CCDC88A: variants seen among roughly 807,000 people sequenced by gnomAD.
The protein encoded by CCDC88A is coiled-coil and HOOK domain protein 88A.
In CCDC88A, 54 loss-of-function variants were observed where a neutral mutation model predicts 234.3. The ratio of observed to expected loss-of-function variants is 0.23; its 90% CI spans 0.19 to 0.29. The LOEUF (loss-of-function observed/expected upper bound fraction) is 0.29. Ranked by LOEUF, CCDC88A falls within the 10% of genes least tolerant of loss-of-function variation. The pLI is 1.00. For missense variants in CCDC88A, 1,832 were observed against 2,123.4 expected (o/e 0.86, Z 2.70); for synonymous variants, 753 against 737.8 (o/e 1.02, Z -0.33).
intron 3 of CCDC88A, among the ~76,000 whole-genome samples, chr2:55,386,150 G>A (rs1179648333): frequency 1.3e-5 from 2 of 151,812 alleles, no homozygotes; most frequent in African/African-American, 4.8e-5. Context: ...TTGAACCCAG[G>A]AGCCAGAGGT....
In CCDC88A at chr2:55,335,418, G is replaced by A. The variant is rs1685364521; in HGVS notation, c.1657-254C>T. On this transcript the variant is annotated intron_variant, in intron 14 of 32. Coordinates refer to ENST00000436346, the MANE Select transcript of CCDC88A (RefSeq NM_001365480.1). This position sits in a 1 kb window ranked among gnomAD's most constrained non-coding sequence, Gnocchi z 4.5. Reference sequence around the variant, plus strand: ...TAGGAAGTTCACAGTTTAAAGGAACGGTTGAGAAATGTATTTTCTATTAAT... The same window carrying A: ...TAGGAAGTTCACAGTTTAAAGGAACAGTTGAGAAATGTATTTTCTATTAAT... 6.6e-6 allele frequency among the ~76,000 whole-genome samples: 1 copy of A among 152,070 alleles called. No individual in the cohort carries two copies. The highest frequency in any genetic ancestry group is 1.5e-5 in the Non-Finnish European group (1 of 67,992).
rs191548563 is a variant in CCDC88A, at chr2:55,406,373, G to C, written c.164+12443C>G. Among the ~76,000 whole-genome samples, 664 of 152,202 alleles carry C rather than the reference G, an allele frequency of 4.4e-3. 2 individuals are homozygous for C. Among genetic ancestry groups the C allele is most frequent in the Non-Finnish European group, 6.8e-3 (460 of 68,000 alleles). Reference sequence around the variant, plus strand: ...AATTCACCCTTTTAAACCAGTCTTGGTAAAAATAGATTGGGGGTTTTGTCT... The same window carrying C: ...AATTCACCCTTTTAAACCAGTCTTGCTAAAAATAGATTGGGGGTTTTGTCT... On this transcript the variant is annotated intron_variant, in intron 2 of 32. Coordinates refer to ENST00000436346, the MANE Select transcript of CCDC88A (RefSeq NM_001365480.1).
chr2:55,382,400 T>C (rs1488149965), intron 3 of CCDC88A, among the ~76,000 whole-genome samples: 1 of 152,156 alleles, frequency 6.6e-6, no homozygotes, highest in Non-Finnish European at 1.5e-5. Flanking sequence ...CCTCAAATGG[T>C]TCAGAGCATT....
At chr2:55,292,618 C>G (rs1018753256) in intron 31 of CCDC88A, 1 of 152,194 alleles carries the variant, frequency 6.6e-6, no homozygotes, top group Non-Finnish European at 1.5e-5. Context: ...CAGTGGCTCA[C>G]GCCTGTAATC....
chr2:55,320,146 T>C (rs940834272), intron 18 of CCDC88A, among the ~76,000 whole-genome samples: 1 of 152,082 alleles, frequency 6.6e-6, no homozygotes, highest in African/African-American at 2.4e-5. Context: ...AAATGTGTAC[T>C]AGAAAAAATA....
intron 26 of CCDC88A, 64 bp from the exon 27 acceptor site, chr2:55,302,136 G>C: frequency 2.3e-6 from 3 of 1,326,056 alleles, no homozygotes; most frequent in Non-Finnish European, 3.2e-6. Context: ...TTTCTATTTT[G>C]TAGTACAAAT....
chr2:55,321,475 T>G (rs1013926929), intron 18 of CCDC88A, among the ~76,000 whole-genome samples: 8 of 151,824 alleles, frequency 5.3e-5, no homozygotes, highest in African/African-American at 1.9e-4. Context: ...GGGGTGAACC[T>G]GGGAGGCAGA....
chr2:55,312,911 A>T (rs1156760970), intron 22 of CCDC88A: 2 of 177,308 alleles, frequency 1.1e-5, no homozygotes, highest in African/African-American at 4.8e-5. Flanking sequence ...CTAATATTTT[A>T]TTTCTATGAA....
chr2:55,297,410 G>A (rs1321001680), intron 29 of CCDC88A, among the ~76,000 whole-genome samples: 8 of 28,202 alleles, frequency 2.8e-4, no homozygotes, highest in African/African-American at 6.5e-4. Flanking sequence ...ATATACATAT[G>A]TGTGTATTTT....
intron 16 of CCDC88A, among the ~76,000 whole-genome samples, chr2:55,330,631 C>T (rs144307619): frequency 3.7e-3 from 560 of 152,182 alleles, no homozygotes; most frequent in African/African-American, 0.011. Flanking sequence ...AACTTCCTGG[C>T]TGAGAAAGAA....
Position 55,334,287 on chromosome 2 carries a change from G to C in CCDC88A, c.2534C>G (p.Ala845Gly), listed in dbSNP as rs138798815. 5.4e-5 allele frequency: 79 copies of C among 1,449,774 alleles called. No homozygotes were observed. The African/African-American group carries it at 1.0e-3, about 19-fold the overall frequency. The allele number at this position is 1,449,774 out of a possible 1,614,324, so 89.8% of individuals were successfully genotyped here. Residue 845 changes from alanine (A) to glycine (G), a missense_variant, in exon 15 of 33, where the codon GCA becomes GGA. Ala to Gly is a moderately conservative substitution (Grantham distance 60). This residue lies in a region of CCDC88A where 1,282 missense variants were observed against 1,543.6 expected (regional missense o/e 0.83). Transcript: ENST00000436346. The surrounding 1 kb of genome is among the most constrained non-coding windows in gnomAD (Gnocchi z 6.1). ...TTCTAATGTGGTATCTTTAATTTCT[G>C]CTTGTTGTCGGAGTCTCTTATTTTC... is the stretch of plus-strand genomic sequence containing the variant. ...EKENKRLRQQ[A>G]EIKDTTLEEN... is the part of the protein sequence containing the mutation.
rs367582957 is a variant in CCDC88A at position 55,295,651 on chromosome 2, T to A, written c.5497A>T (p.Ile1833Leu). ...DFLTKDSRLPISVDSPPAAAD... is the reference protein window; with the variant it reads ...DFLTKDSRLPLSVDSPPAAAD... ...GCAGCTGGTGGTGAATCAACTGATA[T>A]AGGCAGTCTACTGTCCTTGGTCAAA... is the stretch of plus-strand genomic sequence containing the variant. Residue 1833 changes from isoleucine to leucine, a missense_variant, in exon 31 of 33, where the codon ATA becomes TTA. Coordinates refer to ENST00000436346, the MANE Select transcript of CCDC88A (RefSeq NM_001365480.1). 4 of 1,614,112 alleles carry A rather than the reference T, an allele frequency of 2.5e-6. No homozygotes were observed. The highest frequency in any genetic ancestry group is 1.3e-5 in the African/African-American group (1 of 74,932).
At position 55,344,423 on chromosome 2, in the gene CCDC88A, T is replaced by G. The variant is rs1558707620; in HGVS notation, c.1133A>C (p.His378Pro). The G allele has an allele frequency of 6.3e-7, 1 of 1,589,406 alleles. No homozygotes were observed. Among genetic ancestry groups the G allele is most frequent in the Non-Finnish European group, 8.6e-7 (1 of 1,164,860 alleles). ...EGTRARSDKLHELEKENLQLK... is the reference protein window; with the variant it reads ...EGTRARSDKLPELEKENLQLK... ...TTGTAAGTTCTCTTTTTCTAATTCA[T>G]GTAATTTATCAGAACGAGCACGAGT... Residue 378 changes from histidine (H) to proline (P), a missense_variant, in exon 11 of 33, where the codon CAT (histidine) becomes CCT (proline). Coordinates refer to ENST00000436346, the MANE Select transcript of CCDC88A (RefSeq NM_001365480.1).
chr2:55,352,931 G>T (rs538947507), intron 8 of CCDC88A, among the ~76,000 whole-genome samples: 1 of 152,188 alleles, frequency 6.6e-6, no homozygotes, highest in African/African-American at 2.4e-5. Context: ...CTTTAGTAGA[G>T]ATCTGTCCCA....
chr2:55,321,067 G>A (rs888356428), intron 18 of CCDC88A: 1 of 148,882 alleles, frequency 6.7e-6, no homozygotes, highest in African/African-American at 2.5e-5. Context: ...CTATGATCTC[G>A]CCACTGCATT....
At chr2:55,404,397 T>C (rs1234884591) in intron 2 of CCDC88A, 1 of 152,156 alleles carries the variant, frequency 6.6e-6, no homozygotes, top group Non-Finnish European at 1.5e-5. Flanking sequence ...ATTACCACAA[T>C]ATCGGTTTAA....
At chr2:55,394,305 C>T (rs959611887) in intron 2 of CCDC88A, 1 of 152,116 alleles carries the variant, frequency 6.6e-6, no homozygotes, top group African/African-American at 2.4e-5. Context: ...TGTATATGTG[C>T]CACATTTTCT....
At chr2:55,339,783 TA>T in intron 12 of CCDC88A, 135 bp from the exon 13 acceptor site, 1 of 602,442 alleles carries the variant, frequency 1.7e-6, no homozygotes, top group Non-Finnish European at 2.7e-6. Context: ...TCAATGAGGT[TA>T]TATAAGATAA....
chr2:55,403,101 A>G (rs370136817), intron 2 of CCDC88A, among the ~76,000 whole-genome samples: 146 of 152,288 alleles, frequency 9.6e-4, no homozygotes, highest in African/African-American at 3.3e-3. Flanking sequence ...TTTTCTATAA[A>G]TCAAATTTCA....
Sources: gnomAD v4.1 joint callset for allele counts (sites outside exome capture counted in the v4.1 genomes callset) on GRCh38, gnomAD v4.1.1 for gene constraint, gnomAD v4.1.1 regional missense constraint, Gnocchi (gnomAD v3.1) non-coding constraint, MANE v1.5 for transcripts, NCBI Gene and HGNC (gene_info 2026-07-23, HGNC 2026-07-21) for gene names.